EXT1: variants seen among roughly 807,000 people sequenced by gnomAD.
The protein encoded by EXT1 is exostosin glycosyltransferase 1.
A neutral mutation model predicts 82.5 loss-of-function variants in EXT1; 20 were observed. The ratio of observed to expected loss-of-function variants is 0.24; its 90% CI spans 0.17 to 0.35. EXT1 has a LOEUF of 0.35. EXT1 is among the 10% of genes least tolerant of loss of function. EXT1 has a pLI of 1.00. For missense variants in EXT1, 757 were observed against 936.5 expected (o/e 0.81, Z 2.50); for synonymous variants, 348 against 350.8 (o/e 0.99, Z 0.09).
chr8:117,830,453 G>C, intron 3 of EXT1, 104 bp from the exon 4 acceptor site: 3 of 1,319,146 alleles, frequency 2.3e-6, no homozygotes, highest in Non-Finnish European at 3.2e-6. Context: ...CATAGCATTT[G>C]GCTTCTAGCA....
At chr8:117,882,980 G>GAAAAA (rs1320976687) in intron 1 of EXT1, among the ~76,000 whole-genome samples, 2 of 65,756 alleles carry the variant, frequency 3.0e-5, no homozygotes, top group African/African-American at 4.8e-5. Flanking sequence ...CTGTCTCAAA[G>GAAAAA]AAAAAAAAAA....
intron 1 of EXT1, among the ~76,000 whole-genome samples, chr8:118,087,939 CAA>C (rs10706033): frequency 0.052 from 4,329 of 83,914 alleles, 153 homozygotes; most frequent in African/African-American, 0.15. Context: ...CGTTTCAGGG[CAA>C]AAAAAAAAAA....
At chr8:117,931,407 A>G (rs777365366) in intron 1 of EXT1, among the ~76,000 whole-genome samples, 5 of 152,136 alleles carry the variant, frequency 3.3e-5, no homozygotes, top group African/African-American at 4.8e-5. Flanking sequence ...TTAGCAATTG[A>G]TAAATCTTTA....
chr8:117,953,370 A>T (rs961457835), intron 1 of EXT1, among the ~76,000 whole-genome samples: 2 of 152,106 alleles, frequency 1.3e-5, no homozygotes, highest in Non-Finnish European at 2.9e-5. Flanking sequence ...ACCCCAGATT[A>T]TAGGAGAAAT....
At chr8:117,977,291 G>A (rs1815083958) in intron 1 of EXT1, among the ~76,000 whole-genome samples, 1 of 151,422 alleles carries the variant, frequency 6.6e-6, no homozygotes, top group South Asian at 2.1e-4. Context: ...GGAGGCTGAG[G>A]CAGGAGAATC....
At chr8:118,100,937 ATGGC>A (rs530512742) in intron 1 of EXT1, among the ~76,000 whole-genome samples, 395 of 152,208 alleles carry the variant, frequency 2.6e-3, no homozygotes, top group Admixed American at 5.0e-3. Flanking sequence ...TACAGAAACA[ATGGC>A]TGGACTTCCA....
chr8:118,026,115 T>C, intron 1 of EXT1, among the ~76,000 whole-genome samples: 1 of 152,136 alleles, frequency 6.6e-6, no homozygotes, highest in South Asian at 2.1e-4. Context: ...ACACAGATGT[T>C]TCCACCTGTA....
At chr8:117,835,675 C>T in intron 2 of EXT1, 124 bp from the exon 3 acceptor site, 2 of 744,288 alleles carry the variant, frequency 2.7e-6, no homozygotes, top group Non-Finnish European at 4.8e-6. Context: ...CCTGGACTGC[C>T]TAGGCCAGAA....
intron 1 of EXT1, among the ~76,000 whole-genome samples, chr8:117,927,825 C>G (rs1001217621): frequency 1.3e-5 from 2 of 152,168 alleles, no homozygotes; most frequent in South Asian, 4.1e-4. Flanking sequence ...AAATCCTGAA[C>G]AATTTTTGAA....
chr8:117,874,631 T>C (rs1267517795), intron 1 of EXT1, among the ~76,000 whole-genome samples: 1 of 149,264 alleles, frequency 6.7e-6, no homozygotes, highest in Non-Finnish European at 1.5e-5. Flanking sequence ...GGTAATTTGA[T>C]AGATGAGCTA....
At chr8:118,068,107 C>A (rs1817024375) in intron 1 of EXT1, among the ~76,000 whole-genome samples, 1 of 152,212 alleles carries the variant, frequency 6.6e-6, no homozygotes, top group African/African-American at 2.4e-5. Context: ...TTATTATTCT[C>A]ATTTTTACTG....
intron 1 of EXT1, among the ~76,000 whole-genome samples, chr8:117,891,231 A>G (rs2129943445): frequency 6.6e-6 from 1 of 152,306 alleles, no homozygotes; most frequent in South Asian, 2.1e-4. Flanking sequence ...TCAAGATTAC[A>G]ATGAGGCTTT....
intron 3 of EXT1, chr8:117,831,491 T>C: frequency 1.1e-5 from 5 of 437,932 alleles, no homozygotes; most frequent in South Asian, 8.6e-5. Context: ...GTAAGTTTTC[T>C]GGGCTTGTTC....
At chr8:118,001,965 T>C (rs906975830) in intron 1 of EXT1, among the ~76,000 whole-genome samples, 1 of 152,238 alleles carries the variant, frequency 6.6e-6, no homozygotes, top group African/African-American at 2.4e-5. Flanking sequence ...GTCTATCAGT[T>C]GTTCTTGCAA....
chr8:117,925,171 T>C (rs1314332288), intron 1 of EXT1, among the ~76,000 whole-genome samples: 3 of 152,218 alleles, frequency 2.0e-5, no homozygotes, highest in Non-Finnish European at 4.4e-5. Context: ...AGTGCTTTCA[T>C]AAATATGGTG....
At chr8:117,865,443 G>A (rs543430321) in intron 1 of EXT1, among the ~76,000 whole-genome samples, 27 of 152,306 alleles carry the variant, frequency 1.8e-4, no homozygotes, top group African/African-American at 6.5e-4. Context: ...CTTCCATTCA[G>A]TGGTATCTAG....
chr8:117,904,944 G>A (rs965546449), intron 1 of EXT1, among the ~76,000 whole-genome samples: 2 of 152,278 alleles, frequency 1.3e-5, no homozygotes, highest in African/African-American at 4.8e-5. Context: ...CAAAGGGTGT[G>A]CTCACTTTGT....
At chr8:117,811,254 C>T (rs531971287) in intron 8 of EXT1, among the ~76,000 whole-genome samples, 56 of 152,328 alleles carry the variant, frequency 3.7e-4, no homozygotes, top group African/African-American at 1.3e-3. Context: ...TCAATAAATA[C>T]TTGTTGAATG....
At chr8:117,904,487 G>A (rs1278974318) in intron 1 of EXT1, among the ~76,000 whole-genome samples, 1 of 152,166 alleles carries the variant, frequency 6.6e-6, no homozygotes. Context: ...TGTGTAAAAT[G>A]AGAATATTTG....
Sources: gnomAD v4.1 joint callset for allele counts (sites outside exome capture counted in the v4.1 genomes callset) on GRCh38, gnomAD v4.1.1 for gene constraint, MANE v1.5 for transcripts, NCBI Gene and HGNC (gene_info 2026-07-23, HGNC 2026-07-21) for gene names.